Variants in CLTA observed in about 807,000 individuals in gnomAD.
CLTA encodes clathrin, light polypeptide (Lca).
In CLTA, 9 loss-of-function variants were observed where a neutral mutation model predicts 26.9. That is an observed-to-expected ratio of 0.33 (90% CI 0.20 to 0.58). The LOEUF (loss-of-function observed/expected upper bound fraction) is 0.58, where lower values mean the gene tolerates loss of function less well. Ranked by LOEUF, CLTA falls within the 20% of genes least tolerant of loss-of-function variation. CLTA has a pLI of 0.85. For missense variants in CLTA, 278 were observed against 294.2 expected (o/e 0.94, Z 0.40); for synonymous variants, 120 against 115.5 (o/e 1.04, Z -0.25).
At chr9:36,205,926 A>T (rs1827697065) in intron 4 of CLTA, among the ~76,000 whole-genome samples, 1 of 151,636 alleles carries the variant, frequency 6.6e-6, no homozygotes, top group Admixed American at 6.6e-5. Context: ...TGCCCAGCTA[A>T]TTTTTTTCTG....
At chr9:36,204,569 C>G (rs771420765) in intron 4 of CLTA, among the ~76,000 whole-genome samples, 5 of 152,146 alleles carry the variant, frequency 3.3e-5, no homozygotes, top group Non-Finnish European at 7.3e-5. Context: ...GCCCTGCCCC[C>G]TGAAAGCCAC....
rs770626337 is a variant in CLTA, at chr9:36,209,366, C to G, written c.486-2237C>G. On this transcript the variant is annotated intron_variant, in intron 4 of 4. Coordinates refer to ENST00000345519, the MANE Select transcript of CLTA (RefSeq NM_001833.4). ...CTTTTTCTACATCTGATTCTTTCTACTTTTGTTTAGAGTTAATGCTCCTTT... is the reference window on the plus strand; with the variant it reads ...CTTTTTCTACATCTGATTCTTTCTAGTTTTGTTTAGAGTTAATGCTCCTTT... 14 of 1,450,158 alleles carry G rather than the reference C, an allele frequency of 9.7e-6. No individual in the cohort carries two copies. In the South Asian group the frequency reaches 1.4e-4, roughly 14 times the overall value. 89.8% of individuals were successfully genotyped at this position (1,450,158 alleles called of 1,614,324 possible).
At chr9:36,191,977 G>C (rs1826756974) in intron 1 of CLTA, among the ~76,000 whole-genome samples, 1 of 152,192 alleles carries the variant, frequency 6.6e-6, no homozygotes, top group South Asian at 2.1e-4. Context: ...ATCAGGGAGG[G>C]ATGAAGAGGT....
intron 4 of CLTA, chr9:36,209,468 G>T (rs1275785481): frequency 1.5e-6 from 1 of 653,726 alleles, no homozygotes; most frequent in African/African-American, 1.8e-5. Flanking sequence ...GATAAGCGGG[G>T]TATGATCTGT....
At chr9:36,196,453 TCTC>T (rs1827050775) in intron 1 of CLTA, among the ~76,000 whole-genome samples, 2 of 151,462 alleles carry the variant, frequency 1.3e-5, no homozygotes, top group African/African-American at 2.4e-5. Flanking sequence ...TTCAAGCAAT[TCTC>T]CTCTTTCAGC....
chr9:36,192,168 TAAA>T (rs538850472), intron 1 of CLTA, among the ~76,000 whole-genome samples: 97 of 152,284 alleles, frequency 6.4e-4, no homozygotes, highest in African/African-American at 1.8e-3. Context: ...TTCATTCACT[TAAA>T]AAATTCCAAC....
At chr9:36,199,411 A>G (rs1827266658) in intron 3 of CLTA, among the ~76,000 whole-genome samples, 1 of 151,126 alleles carries the variant, frequency 6.6e-6, no homozygotes, top group Admixed American at 6.6e-5. Flanking sequence ...CAAGTTTCCT[A>G]TGTCCGTGGA....
chr9:36,205,246 G>T (rs1430771179), intron 4 of CLTA, among the ~76,000 whole-genome samples: 1 of 152,198 alleles, frequency 6.6e-6, no homozygotes, highest in Non-Finnish European at 1.5e-5. Context: ...CTCAAGGAGT[G>T]CCTGTCAGGT....
chr9:36,192,293 C>T (rs149310450), intron 1 of CLTA, among the ~76,000 whole-genome samples: 14 of 152,278 alleles, frequency 9.2e-5, no homozygotes, highest in Non-Finnish European at 1.5e-4. Context: ...TGACATGAGA[C>T]AGTAGAAGTG....
intron 3 of CLTA, 57 bp from the exon 4 acceptor site, chr9:36,204,011 A>G: frequency 1.2e-6 from 2 of 1,604,304 alleles, no homozygotes; most frequent in African/African-American, 2.7e-5. Flanking sequence ...TAAACTGATG[A>G]ACTTCAGTTT....
At chr9:36,197,665 G>C (rs565301091) in intron 2 of CLTA, 77 bp downstream of exon 2, 2 of 1,119,856 alleles carry the variant, frequency 1.8e-6, no homozygotes, top group Non-Finnish European at 2.7e-6. Context: ...GACTGACCTA[G>C]AAAGAAACCC....
chr9:36,197,635 C>T (rs1827132371), intron 2 of CLTA, 47 bp downstream of exon 2: 2 of 1,428,774 alleles, frequency 1.4e-6, no homozygotes, highest in African/African-American at 1.4e-5. Context: ...TGAGAATCTT[C>T]CTTTCCTGTG....
At chr9:36,210,886 C>G (rs1321720840) in intron 4 of CLTA, among the ~76,000 whole-genome samples, 1 of 152,218 alleles carries the variant, frequency 6.6e-6, no homozygotes, top group Non-Finnish European at 1.5e-5. Context: ...GTAGCTCCCA[C>G]CAGTTAATTC....
In CLTA at chr9:36,211,717, T is replaced by C. The variant is rs1406554443; in HGVS notation, c.600T>C (p.Asp200=). Reference sequence around the variant, plus strand: ...CCAAGTCTAGCAAGCAGGCCAAAGATGTCTCCCGCATGCGCTCAGTCCTCA... The same window carrying C: ...CCAAGTCTAGCAAGCAGGCCAAAGACGTCTCCCGCATGCGCTCAGTCCTCA... ...FNPKSSKQAK[D]VSRMRSVLIS... is the part of the protein sequence containing the mutation. Residue 200 remains aspartate, a synonymous_variant, in exon 5 of 5, where the codon GAT becomes GAC. Coordinates refer to ENST00000345519, the MANE Select transcript of CLTA (RefSeq NM_001833.4). The C allele has an allele frequency of 1.2e-6, 2 of 1,614,084 alleles. No individual in the cohort carries two copies. The highest frequency in any genetic ancestry group is 1.7e-6 in the Non-Finnish European group (2 of 1,179,968).
In CLTA at chr9:36,211,904, T is replaced by C; in HGVS notation, c.*130T>C. 2 of 775,992 alleles carry C rather than the reference T, an allele frequency of 2.6e-6. No individual in the cohort carries two copies. The highest frequency in any genetic ancestry group is 4.2e-6 in the Non-Finnish European group (2 of 474,280). The allele number at this position is 775,992 out of a possible 1,614,324, so 48.1% of individuals were successfully genotyped here. A position where few individuals can be genotyped will look rare whatever the true frequency, so the allele number is the denominator to read the frequency against. On this transcript the variant is annotated 3_prime_UTR_variant, in exon 5 of 5. Transcript: ENST00000345519. Reference sequence around the variant, plus strand: ...TTTTTGTCTTTAGAGTTGTTCATTGTTTGTGATTGCATGTTTCCTTCCTTC... The same window carrying C: ...TTTTTGTCTTTAGAGTTGTTCATTGCTTGTGATTGCATGTTTCCTTCCTTC...
intron 3 of CLTA, among the ~76,000 whole-genome samples, chr9:36,200,813 A>G (rs901811230): frequency 2.0e-5 from 3 of 152,224 alleles, no homozygotes; most frequent in Non-Finnish European, 4.4e-5. Flanking sequence ...CTTTAATTTT[A>G]ATAAATTTAC....
chr9:36,205,260 A>T (rs1181716464), intron 4 of CLTA, among the ~76,000 whole-genome samples: 2 of 152,068 alleles, frequency 1.3e-5, no homozygotes, highest in African/African-American at 4.8e-5. Flanking sequence ...GTCAGGTTCC[A>T]TGTGGAGTCC....
At chr9:36,192,916 A>G (rs953150782) in intron 1 of CLTA, among the ~76,000 whole-genome samples, 2 of 152,230 alleles carry the variant, frequency 1.3e-5, no homozygotes, top group Non-Finnish European at 2.9e-5. Flanking sequence ...GTCCTGATTC[A>G]AGGACAGTGT....
chr9:36,202,999 T>C (rs1465747823), intron 3 of CLTA, among the ~76,000 whole-genome samples: 1 of 151,880 alleles, frequency 6.6e-6, no homozygotes, highest in Non-Finnish European at 1.5e-5. Context: ...ATCCAGCTAA[T>C]TTTTTGTATT....
Sources: allele counts gnomAD v4.1 joint callset (sites outside exome capture counted in the v4.1 genomes callset), GRCh38; gene constraint gnomAD v4.1.1; transcripts MANE v1.5; gene names NCBI Gene and HGNC (gene_info 2026-07-23, HGNC 2026-07-21).